ARHGEF3: variants seen among roughly 807,000 people sequenced by gnomAD.
The protein encoded by ARHGEF3 is 59.8 kDA protein.
Under a neutral mutation model 63.2 loss-of-function variants are expected in ARHGEF3, and 28 were observed. The observed-to-expected ratio is 0.44, with a 90% CI of 0.33 to 0.61. The LOEUF (loss-of-function observed/expected upper bound fraction) is 0.61. Among genes scored for constraint, ARHGEF3 ranks in the 20% least tolerant of loss-of-function variants. ARHGEF3 has a pLI of 0.03. For missense variants in ARHGEF3, 533 were observed against 659.3 expected, an observed-to-expected ratio of 0.81 and a Z score of 2.10; for synonymous variants, 266 against 254.2, an observed-to-expected ratio of 1.05 and a Z score of -0.44.
At chr3:56,831,765 A>G (rs1249145634) in intron 4 of ARHGEF3, among the ~76,000 whole-genome samples, 2 of 152,244 alleles carry the variant, frequency 1.3e-5, no homozygotes, top group African/African-American at 4.8e-5. Context: ...ATTTTAAGAA[A>G]GGTCAAGGTC....
chr3:56,875,700 C>T (rs2040564588), intron 4 of ARHGEF3, among the ~76,000 whole-genome samples: 1 of 152,136 alleles, frequency 6.6e-6, no homozygotes, highest in Non-Finnish European at 1.5e-5. Flanking sequence ...ACTTTTTAAA[C>T]ATTTATCTGT....
At chr3:56,837,496 G>A (rs1048725974) in intron 4 of ARHGEF3, among the ~76,000 whole-genome samples, 1 of 152,148 alleles carries the variant, frequency 6.6e-6, no homozygotes, top group Admixed American at 6.5e-5. Flanking sequence ...CAGAAAACAT[G>A]AGGATAAAAG....
intron 1 of ARHGEF3, among the ~76,000 whole-genome samples, chr3:56,779,504 T>A (rs1027345539): frequency 2.6e-5 from 4 of 152,108 alleles, no homozygotes; most frequent in African/African-American, 9.7e-5. Context: ...TTTTTGTTTG[T>A]TTTTTTGAGA....
chr3:56,739,396 C>CTTTTTTT (rs11309388), intron 7 of ARHGEF3, among the ~76,000 whole-genome samples: 1 of 133,430 alleles, frequency 7.5e-6, no homozygotes. Context: ...AATTATTTTC[C>CTTTTTTT]TTTTTTTTTT....
At position 56,968,197 on chromosome 3, in the gene ARHGEF3, A is replaced by AAT. The variant is rs1218725990; in HGVS notation, c.63-9310_63-9309dup. ...ATATATAAAAATATATATTATATAT[A>AAT]ATATATAAAAATATATATTATATAT... On this transcript the variant is annotated intron_variant, in intron 2 of 12. Transcript: ENST00000338458. Among the ~76,000 whole-genome samples, 72 of 16,000 alleles carry AAT rather than the reference A, an allele frequency of 4.5e-3. 3 individuals carry two copies. The highest frequency in any genetic ancestry group is 0.03 in the South Asian group (13 of 434). The allele number at this position is 16,000 out of a possible 152,430, so 10.5% of individuals were successfully genotyped here. A position where few individuals can be genotyped will look rare whatever the true frequency, so the allele number is the denominator to read the frequency against.
intron 3 of ARHGEF3, among the ~76,000 whole-genome samples, chr3:56,900,802 T>G (rs901139263): frequency 6.6e-6 from 1 of 152,200 alleles, no homozygotes; most frequent in African/African-American, 2.4e-5. Flanking sequence ...ACATAAGTAA[T>G]AAAATAGAGC....
At chr3:56,974,516 G>A (rs1224663446) in intron 2 of ARHGEF3, among the ~76,000 whole-genome samples, 1 of 152,136 alleles carries the variant, frequency 6.6e-6, no homozygotes, top group African/African-American at 2.4e-5. Flanking sequence ...AAAAATTACA[G>A]AACATTTTTG....
intron 3 of ARHGEF3, among the ~76,000 whole-genome samples, chr3:56,930,746 T>A (rs1450701870): frequency 6.6e-6 from 1 of 152,208 alleles, no homozygotes; most frequent in East Asian, 1.9e-4. Context: ...ATATATTTTT[T>A]AAATGCATGT....
intron 1 of ARHGEF3, among the ~76,000 whole-genome samples, chr3:56,799,051 T>G (rs1421008440): frequency 6.6e-6 from 1 of 152,266 alleles, no homozygotes; most frequent in East Asian, 1.9e-4. Flanking sequence ...AAATACATTT[T>G]AAAAATATCA....
intron 1 of ARHGEF3, among the ~76,000 whole-genome samples, chr3:56,796,355 A>T (rs893257918): frequency 2.6e-5 from 4 of 152,222 alleles, no homozygotes; most frequent in African/African-American, 9.6e-5. Flanking sequence ...CCTTCCAGTG[A>T]TTGGTTTACA....
At chr3:57,071,093 C>T (rs9876120) in intron 1 of ARHGEF3, among the ~76,000 whole-genome samples, 42,279 of 151,812 alleles carry the variant, frequency 0.28, 6,864 homozygotes, top group East Asian at 0.48. Flanking sequence ...GTATAGACAG[C>T]AATACTGGCA....
At chr3:56,769,331 T>C (rs2035884807) in intron 2 of ARHGEF3, among the ~76,000 whole-genome samples, 1 of 152,190 alleles carries the variant, frequency 6.6e-6, no homozygotes, top group African/African-American at 2.4e-5. Context: ...TGAGGTCCCC[T>C]TTCAGAGCTG....
In ARHGEF3 at chr3:56,958,875, C is replaced by T. The variant is rs369772678; in HGVS notation, c.77G>A (p.Arg26Gln). The T allele has an allele frequency of 4.8e-5, 74 of 1,551,442 alleles. No individual in the cohort carries two copies. The African/African-American group carries it at 6.3e-4, about 13-fold the overall frequency. Residue 26 changes from arginine (R) to glutamine (Q), a missense_variant, in exon 3 of 13, where the codon CGG (arginine) becomes CAG (glutamine). Arg to Gln is a conservative substitution (Grantham distance 43, BLOSUM62 1). Coordinates refer to the ARHGEF3 transcript ENST00000338458. ...GGGAAACATGGGAAAGTTGTTTTGC[C>T]GCTGCCGTTTAGGCCTAGAAGAGAA...
chr3:56,956,480 T>C (rs1014438489), intron 3 of ARHGEF3, among the ~76,000 whole-genome samples: 2 of 152,176 alleles, frequency 1.3e-5, no homozygotes, highest in Non-Finnish European at 2.9e-5. Flanking sequence ...CAAGTATGTA[T>C]CTAACAGGTT....
chr3:56,820,946 G>C (rs1214558235), intron 4 of ARHGEF3, among the ~76,000 whole-genome samples: 6 of 151,212 alleles, frequency 4.0e-5, no homozygotes, highest in Non-Finnish European at 1.5e-5. Flanking sequence ...TGAGCCCCAG[G>C]AGTTTGAGAC....
intron 2 of ARHGEF3, among the ~76,000 whole-genome samples, chr3:57,023,238 T>G (rs1490446824): frequency 6.6e-6 from 1 of 152,200 alleles, no homozygotes; most frequent in African/African-American, 2.4e-5. Context: ...GATGTTAGTT[T>G]TATAGGTGGA....
chr3:56,822,218 T>TTATC (rs1231247773), intron 4 of ARHGEF3, among the ~76,000 whole-genome samples: 9 of 152,182 alleles, frequency 5.9e-5, no homozygotes, highest in Admixed American at 2.0e-4. Context: ...CAGGAAAGTA[T>TTATC]TATCATTCCC....
chr3:56,890,913 G>T (rs2041095273), intron 3 of ARHGEF3, among the ~76,000 whole-genome samples: 1 of 152,216 alleles, frequency 6.6e-6, no homozygotes, highest in Non-Finnish European at 1.5e-5. Context: ...ATTCAAACCA[G>T]ATCTCGAACC....
chr3:56,873,571 A>G (rs886399872), intron 4 of ARHGEF3, among the ~76,000 whole-genome samples: 1 of 152,086 alleles, frequency 6.6e-6, no homozygotes, highest in African/African-American at 2.4e-5. Context: ...TTCTTTTTTA[A>G]TGGCTACATA....
Sources: allele counts gnomAD v4.1 joint callset (sites outside exome capture counted in the v4.1 genomes callset), GRCh38; gene constraint gnomAD v4.1.1; transcripts MANE v1.5; gene names NCBI Gene and HGNC (gene_info 2026-07-23, HGNC 2026-07-21).